Variants in KDM1A observed in about 807,000 individuals in gnomAD.
KDM1A encodes the protein lysine demethylase 1A, also known as lysine-specific histone demethylase 1A.
In KDM1A, 49 loss-of-function variants were observed where a neutral mutation model predicts 109.4. That is an observed-to-expected ratio of 0.45 (90% CI 0.36 to 0.57). The LOEUF (loss-of-function observed/expected upper bound fraction) is 0.57, where lower values mean the gene tolerates loss of function less well. Among genes scored for constraint, KDM1A ranks in the 20% least tolerant of loss-of-function variants. The pLI is 0.00. For missense variants in KDM1A, 668 were observed against 1,116.6 expected (o/e 0.60, Z 5.73); for synonymous variants, 380 against 415.4 (o/e 0.91, Z 1.04).
intron 18 of KDM1A, chr1:23,080,836 C>A (rs575445827): frequency 6.6e-6 from 1 of 152,406 alleles, no homozygotes; most frequent in Admixed American, 6.5e-5. Context: ...AAATTAAATA[C>A]CCCATATTCT....
In KDM1A at chr1:23,050,521, G is replaced by T; in HGVS notation, c.711+1G>T. On this transcript the variant is annotated splice_donor_variant, in intron 4 of 20. Coordinates refer to ENST00000400181, the MANE Select transcript of KDM1A (RefSeq NM_001009999.3). LOFTEE classifies it high-confidence loss of function. ...TTTTCTTTTCATTAGAAACCGCACA[G>T]TAAGTTTCCATTTCAGCTTTTTCAC... 1 of 1,598,990 alleles carries T rather than the reference G, an allele frequency of 6.3e-7. No individual in the cohort carries two copies. The highest frequency in any genetic ancestry group is 8.5e-7 in the Non-Finnish European group (1 of 1,173,754).
In KDM1A at chr1:23,071,287, A is replaced by G; in HGVS notation, c.1476A>G (p.Val492=). 1 of 1,612,646 alleles carries G rather than the reference A, an allele frequency of 6.2e-7. No individual in the cohort carries two copies. The highest frequency in any genetic ancestry group is 8.5e-7 in the Non-Finnish European group (1 of 1,179,356). Residue 492 remains valine, a synonymous_variant, in exon 13 of 21, where the codon GTA becomes GTG. Coordinates refer to ENST00000400181, the MANE Select transcript of KDM1A (RefSeq NM_001009999.3). Reference sequence around the variant, plus strand: ...AGCAATACAAAGAAGCATCTGAAGTAAAGCCACCCAGAGATATTACTGCCG... The same window carrying G: ...AGCAATACAAAGAAGCATCTGAAGTGAAGCCACCCAGAGATATTACTGCCG... ...LHQQYKEASE[V]KPPRDITAEF...
chr1:23,022,380 G>T (rs1279231736), intron 1 of KDM1A, among the ~76,000 whole-genome samples: 1 of 151,544 alleles, frequency 6.6e-6, no homozygotes, highest in Non-Finnish European at 1.5e-5. Context: ...TTGTTGCCCA[G>T]GCTGGAGTGC....
At position 23,069,081 on chromosome 1, in the gene KDM1A, A is replaced by G. The variant is rs1196452506; in HGVS notation, c.1343A>G (p.Lys448Arg). ...VVIQLQEKHVKDEQIEHWKKI... is the reference protein window; with the variant it reads ...VVIQLQEKHVRDEQIEHWKKI... ...CTTAGGTTACAAGAGAAGCATGTCA[A>G]AGATGAGCAGATTGAACATTGGAAG... Residue 448 changes from lysine (K) to arginine (R), a missense_variant, in exon 12 of 21, where the codon AAA becomes AGA. Physicochemically the swap from Lys to Arg is conservative, Grantham distance 26. Coordinates refer to ENST00000400181, the MANE Select transcript of KDM1A (RefSeq NM_001009999.3). 6.2e-7 allele frequency: 1 copy of G among 1,610,444 alleles called. No homozygotes were observed. Among genetic ancestry groups the G allele is most frequent in the Non-Finnish European group, 8.5e-7 (1 of 1,178,236 alleles).
At chr1:23,057,727 T>G in intron 8 of KDM1A, 162 bp downstream of exon 8, 1 of 480,254 alleles carries the variant, frequency 2.1e-6, no homozygotes, top group Non-Finnish European at 3.7e-6. Context: ...TACATATCTT[T>G]TGACCTAGAG....
intron 9 of KDM1A, among the ~76,000 whole-genome samples, chr1:23,061,341 G>T (rs61256955): frequency 0.037 from 5,590 of 152,166 alleles, 352 homozygotes; most frequent in African/African-American, 0.13. Context: ...CCTTTGAGTA[G>T]CACTATAAAC....
intron 10 of KDM1A, among the ~76,000 whole-genome samples, chr1:23,068,218 C>T (rs1451051618): frequency 6.6e-6 from 1 of 152,162 alleles, no homozygotes; most frequent in Non-Finnish European, 1.5e-5. Flanking sequence ...CAACTTAATG[C>T]ATGTCAGCTC....
intron 1 of KDM1A, among the ~76,000 whole-genome samples, chr1:23,027,184 T>A (rs1338056419): frequency 6.6e-6 from 1 of 152,076 alleles, no homozygotes; most frequent in Non-Finnish European, 1.5e-5. Context: ...TTTATAACAT[T>A]TATTTTAGTT....
intron 3 of KDM1A, 66 bp from the exon 4 acceptor site, chr1:23,050,321 G>A (rs1642628533): frequency 1.4e-6 from 2 of 1,480,368 alleles, no homozygotes; most frequent in Non-Finnish European, 1.8e-6. Flanking sequence ...AGGAATTTAA[G>A]CGTCATCACT....
chr1:23,044,541 T>C (rs537267468), intron 3 of KDM1A, 55 bp downstream of exon 3: 1 of 1,471,302 alleles, frequency 6.8e-7, no homozygotes, highest in African/African-American at 1.4e-5. Flanking sequence ...CAAGTAGGAA[T>C]TGATGCTTGC....
chr1:23,053,651 G>A, intron 4 of KDM1A, 110 bp from the exon 5 acceptor site: 1 of 736,558 alleles, frequency 1.4e-6, no homozygotes, highest in East Asian at 2.7e-5. Flanking sequence ...CTCCCAAACT[G>A]CTGGGATTAT....
At chr1:23,054,546 C>T (rs1354397537) in intron 5 of KDM1A, among the ~76,000 whole-genome samples, 1 of 152,142 alleles carries the variant, frequency 6.6e-6, no homozygotes, top group East Asian at 1.9e-4. Flanking sequence ...AGTGCAGTGG[C>T]GCATTCACAG....
chr1:23,073,901 T>C (rs1216594443), intron 15 of KDM1A, among the ~76,000 whole-genome samples: 1 of 152,238 alleles, frequency 6.6e-6, no homozygotes, highest in African/African-American at 2.4e-5. Context: ...ACTGGTGCCT[T>C]AATGGGCATT....
chr1:23,058,394 A>T (rs1642901508), intron 8 of KDM1A, among the ~76,000 whole-genome samples: 1 of 152,230 alleles, frequency 6.6e-6, no homozygotes, highest in Non-Finnish European at 1.5e-5. Flanking sequence ...TAGCTTTTGA[A>T]CAAGCTTATA....
At chr1:23,021,537 G>A (rs1456268916) in intron 1 of KDM1A, among the ~76,000 whole-genome samples, 1 of 152,078 alleles carries the variant, frequency 6.6e-6, no homozygotes, top group Non-Finnish European at 1.5e-5. Context: ...GGTGGCGGGC[G>A]CCTGTAATCC....
At chr1:23,077,940 T>TG (rs1345532533) in intron 16 of KDM1A, among the ~76,000 whole-genome samples, 2 of 152,228 alleles carry the variant, frequency 1.3e-5, no homozygotes, top group African/African-American at 4.8e-5. Flanking sequence ...GTGCTTGCTA[T>TG]GGGGATAGGC....
chr1:23,043,609 A>G (rs1473024112), intron 2 of KDM1A, among the ~76,000 whole-genome samples: 2 of 152,254 alleles, frequency 1.3e-5, no homozygotes, highest in African/African-American at 4.8e-5. Flanking sequence ...TAAGAGCATC[A>G]TAGCATCTGT....
At chr1:23,071,698 T>C (rs941446964) in intron 13 of KDM1A, among the ~76,000 whole-genome samples, 1 of 152,238 alleles carries the variant, frequency 6.6e-6, no homozygotes, top group Admixed American at 6.5e-5. Flanking sequence ...TCTCGAGCCA[T>C]GTGACCTTGG....
At chr1:23,045,719 TATC>T (rs1431206277) in intron 3 of KDM1A, among the ~76,000 whole-genome samples, 3 of 152,060 alleles carry the variant, frequency 2.0e-5, no homozygotes, top group Non-Finnish European at 4.4e-5. Context: ...AAGTAAACAA[TATC>T]ATATATTGCT....
Sources: gnomAD v4.1 joint callset for allele counts (sites outside exome capture counted in the v4.1 genomes callset) on GRCh38, gnomAD v4.1.1 for gene constraint, MANE v1.5 for transcripts, NCBI Gene and HGNC (gene_info 2026-07-23, HGNC 2026-07-21) for gene names.